NRG1: variants seen among roughly 807,000 people sequenced by gnomAD.
NRG1 encodes the protein pro-neuregulin-1, membrane-bound isoform.
Under a neutral mutation model 63.8 loss-of-function variants are expected in NRG1, and 18 were observed. That is an observed-to-expected ratio of 0.28 (90% confidence interval 0.19 to 0.42). The LOEUF (loss-of-function observed/expected upper bound fraction) is 0.42. NRG1 is among the 10% of genes least tolerant of loss of function. The pLI, the probability that NRG1 is intolerant of heterozygous loss-of-function variation, is 1.00. For missense variants in NRG1, 762 were observed against 814.7 expected, an observed-to-expected ratio of 0.94 and a Z score of 0.79; for synonymous variants, 302 against 301.3, an observed-to-expected ratio of 1.00 and a Z score of -0.02.
chr8:32,747,402 C>T (rs1827649259), intron 7 of NRG1, among the ~76,000 whole-genome samples: 1 of 151,970 alleles, frequency 6.6e-6, no homozygotes, highest in Non-Finnish European at 1.5e-5. Flanking sequence ...TATTGACTTC[C>T]TTGGAAAATG....
intron 1 of NRG1, among the ~76,000 whole-genome samples, chr8:32,434,047 G>A (rs963341686): frequency 1.1e-4 from 16 of 151,938 alleles, no homozygotes; most frequent in Admixed American, 6.6e-4. Context: ...TTAGCTGGGC[G>A]TGGTGGCACG....
At chr8:32,728,129 G>A in intron 6 of NRG1, 51 bp downstream of exon 6, 1 of 1,607,048 alleles carries the variant, frequency 6.2e-7, no homozygotes, top group Non-Finnish European at 8.5e-7. Context: ...CCTTGTTTCA[G>A]ATGATTCTAT....
At chr8:32,380,660 T>C (rs1015486640) in intron 1 of NRG1, among the ~76,000 whole-genome samples, 1 of 152,190 alleles carries the variant, frequency 6.6e-6, no homozygotes, top group African/African-American at 2.4e-5. Flanking sequence ...AAGACAGAAA[T>C]CTGAATTATT....
At chr8:31,866,654 T>C (rs773596292) in intron 1 of NRG1, among the ~76,000 whole-genome samples, 15 of 152,180 alleles carry the variant, frequency 9.9e-5, no homozygotes, top group Non-Finnish European at 1.5e-4. Context: ...GAACATAGTG[T>C]AATTTCTTGT....
intron 9 of NRG1, among the ~76,000 whole-genome samples, chr8:32,757,124 G>A (rs1308449472): frequency 2.0e-5 from 3 of 152,086 alleles, no homozygotes; most frequent in South Asian, 2.1e-4. Context: ...CCCTCCAGAT[G>A]AAATATATCC....
intron 1 of NRG1, among the ~76,000 whole-genome samples, chr8:32,244,212 A>T (rs548835558): frequency 6.6e-6 from 1 of 152,156 alleles, no homozygotes; most frequent in Non-Finnish European, 1.5e-5. Context: ...TAGACTTGCT[A>T]TCTTTATATT....
chr8:32,183,689 G>A (rs531774673), intron 1 of NRG1, among the ~76,000 whole-genome samples: 1 of 152,146 alleles, frequency 6.6e-6, no homozygotes, highest in Admixed American at 6.6e-5. Flanking sequence ...TCAAATTAGA[G>A]TCCTGGAGTA....
At chr8:32,737,763 G>T (rs1034939486) in intron 6 of NRG1, among the ~76,000 whole-genome samples, 1 of 141,588 alleles carries the variant, frequency 7.1e-6, no homozygotes, top group Non-Finnish European at 1.5e-5. Context: ...TACAACCTCC[G>T]CCTTCTGGGT....
chr8:32,662,019 G>A (rs1236927282), intron 5 of NRG1, among the ~76,000 whole-genome samples: 1 of 152,018 alleles, frequency 6.6e-6, no homozygotes, highest in East Asian at 1.9e-4. Context: ...GAATGTCCTA[G>A]CATAAAGAAA....
chr8:32,181,434 A>T (rs1394837065), intron 1 of NRG1, among the ~76,000 whole-genome samples: 2 of 151,946 alleles, frequency 1.3e-5, no homozygotes, highest in Non-Finnish European at 2.9e-5. Flanking sequence ...ATTCTCTTTT[A>T]TTTCCTTTGT....
intron 8 of NRG1, among the ~76,000 whole-genome samples, chr8:32,755,025 A>T (rs1045671302): frequency 6.6e-6 from 1 of 152,044 alleles, no homozygotes; most frequent in African/African-American, 2.4e-5. Flanking sequence ...AGTTATAGTG[A>T]TTATTATTAT....
At chr8:32,454,573 C>CTTTTTTTT (rs1158217383) in intron 1 of NRG1, among the ~76,000 whole-genome samples, 1 of 76,406 alleles carries the variant, frequency 1.3e-5, no homozygotes, top group Non-Finnish European at 2.5e-5. Flanking sequence ...TCCCATCCCT[C>CTTTTTTTT]TTTTTTTTTT....
intron 1 of NRG1, among the ~76,000 whole-genome samples, chr8:32,177,628 G>T (rs1840940120): frequency 6.6e-6 from 1 of 151,784 alleles, no homozygotes; most frequent in South Asian, 2.1e-4. Context: ...CCACTTATGA[G>T]TGAGAACATG....
chr8:31,690,571 G>T lies in NRG1; in HGVS notation c.37+51140G>T, dbSNP rs1809392746. On this transcript the variant is annotated intron_variant, in intron 1 of 10. Coordinates refer to the NRG1 transcript ENST00000519301. ...TACTGAAGGGAGCCAAGGGTGGGAGGTGATCCGAGAGAGTGATTTTTCTGG... is the reference window on the plus strand; with the variant it reads ...TACTGAAGGGAGCCAAGGGTGGGAGTTGATCCGAGAGAGTGATTTTTCTGG... Among the ~76,000 whole-genome samples, 4 of 152,174 alleles carry T rather than the reference G, an allele frequency of 2.6e-5. No homozygotes were observed. The South Asian group carries it at 8.3e-4, about 32-fold the overall frequency.
intron 1 of NRG1, among the ~76,000 whole-genome samples, chr8:32,294,658 C>T (rs1240936760): frequency 6.6e-6 from 1 of 152,188 alleles, no homozygotes; most frequent in East Asian, 1.9e-4. Context: ...TGCTCCATCA[C>T]CTAACATCTG....
chr8:31,824,341 A>G (rs1319966616), intron 1 of NRG1, among the ~76,000 whole-genome samples: 2 of 152,100 alleles, frequency 1.3e-5, no homozygotes, highest in African/African-American at 2.4e-5. Context: ...ATGTCCCTAC[A>G]AAGGACATGA....
intron 1 of NRG1, among the ~76,000 whole-genome samples, chr8:32,384,710 C>G (rs1425659197): frequency 6.6e-6 from 1 of 152,216 alleles, no homozygotes; most frequent in Non-Finnish European, 1.5e-5. Context: ...AAATCCAACA[C>G]CACCATCTTA....
chr8:31,670,956 T>G (rs1807074784), intron 1 of NRG1, among the ~76,000 whole-genome samples: 1 of 152,190 alleles, frequency 6.6e-6, no homozygotes, highest in African/African-American at 2.4e-5. Context: ...CACCCTTCTC[T>G]CGCCCTCAAT....
chr8:32,317,599 A>G (rs943407280), intron 1 of NRG1, among the ~76,000 whole-genome samples: 3 of 152,202 alleles, frequency 2.0e-5, no homozygotes, highest in Non-Finnish European at 2.9e-5. Context: ...TGCTCCTAAT[A>G]TTACTTGCAA....
Sources: allele counts gnomAD v4.1 joint callset (sites outside exome capture counted in the v4.1 genomes callset), GRCh38; gene constraint gnomAD v4.1.1; transcripts MANE v1.5; gene names NCBI Gene and HGNC (gene_info 2026-07-23, HGNC 2026-07-21).